Variants in SNRPN observed in about 807,000 individuals in gnomAD.
SNRPN encodes the protein small nuclear ribonucleoprotein polypeptide N, also known as small nuclear ribonucleoprotein-associated protein N.
SNRPN carries 7 observed loss-of-function variants against 25.2 expected under a neutral mutation model. The observed-to-expected ratio is 0.28, with a 90% CI of 0.16 to 0.52. The LOEUF (loss-of-function observed/expected upper bound fraction) is 0.52, where lower values mean the gene tolerates loss of function less well. SNRPN is among the 20% of genes least tolerant of loss of function. The probability of loss-of-function intolerance (pLI) is 0.96; values close to 1 mark genes in which losing one functional copy is unlikely to be tolerated. For synonymous variants in SNRPN, 124 were observed against 110.6 expected, an observed-to-expected ratio of 1.12 and a Z score of -0.76; for missense variants, 196 against 322.5, an observed-to-expected ratio of 0.61 and a Z score of 3.00.
At chr15:24,945,361 A>AG (rs2061814693) in intron 3 of SNRPN, among the ~76,000 whole-genome samples, 2 of 150,828 alleles carry the variant, frequency 1.3e-5, no homozygotes, top group African/African-American at 4.9e-5. Context: ...AAAAAAAAAA[A>AG]AAAAAGTACC....
At chr15:24,907,957 G>A (rs1263986868) in intron 2 of SNRPN, among the ~76,000 whole-genome samples, 2 of 149,362 alleles carry the variant, frequency 1.3e-5, no homozygotes, top group African/African-American at 2.5e-5. Flanking sequence ...GGGGGCTGAG[G>A]CAGGAGAATC....
chr15:24,840,578 G>A (rs1405335789), intron 2 of SNRPN, among the ~76,000 whole-genome samples: 1 of 152,174 alleles, frequency 6.6e-6, no homozygotes, highest in Non-Finnish European at 1.5e-5. Context: ...ACCTGCTGCT[G>A]CAAAGGGTTC....
At chr15:24,853,231 C>T (rs2053048106), upstream of SNRPN, among the ~76,000 whole-genome samples, 1 of 152,154 alleles carries the variant, frequency 6.6e-6, no homozygotes, top group African/African-American at 2.4e-5. Flanking sequence ...GCTTTATTCA[C>T]ATGTCCTTAA....
chr15:24,956,143 G>A (rs1364910171), intron 1 of SNRPN, among the ~76,000 whole-genome samples: 1 of 152,166 alleles, frequency 6.6e-6, no homozygotes, highest in Non-Finnish European at 1.5e-5. Context: ...AGACTGGAAT[G>A]ATGTGCAGAA....
At chr15:24,880,776 C>T (rs1339558269) in intron 1 of SNRPN, among the ~76,000 whole-genome samples, 1 of 151,874 alleles carries the variant, frequency 6.6e-6, no homozygotes, top group Admixed American at 6.6e-5. Context: ...CAGAGTCTTG[C>T]TCTGTTGTCC....
At chr15:24,906,121 TG>T (rs1595823648) in intron 2 of SNRPN, among the ~76,000 whole-genome samples, 1 of 152,086 alleles carries the variant, frequency 6.6e-6, no homozygotes, top group East Asian at 1.9e-4. Flanking sequence ...TGGGTTTTTT[TG>T]TTTTTGTTTT....
chr15:24,937,763 C>T (rs1030733927), intron 3 of SNRPN, among the ~76,000 whole-genome samples: 1 of 152,064 alleles, frequency 6.6e-6, no homozygotes, highest in African/African-American at 2.4e-5. Flanking sequence ...ATAATAACTC[C>T]GTTTCCTCCT....
chr15:24,846,980 G>A (rs972029507), intron 2 of SNRPN, among the ~76,000 whole-genome samples: 5 of 152,102 alleles, frequency 3.3e-5, no homozygotes, highest in Admixed American at 1.3e-4. Flanking sequence ...AGGAAAATGA[G>A]AGACAACATA....
At chr15:24,943,067 A>G (rs1017507541) in intron 3 of SNRPN, among the ~76,000 whole-genome samples, 13 of 149,816 alleles carry the variant, frequency 8.7e-5, no homozygotes, top group Non-Finnish European at 1.6e-4. Flanking sequence ...GGGTCTATCT[A>G]TAAGTCCATC....
chr15:24,949,239 C>A (rs913668285), intron 3 of SNRPN, among the ~76,000 whole-genome samples: 6 of 151,866 alleles, frequency 4.0e-5, no homozygotes, highest in Non-Finnish European at 8.8e-5. Context: ...CCAGGCTGGT[C>A]TTGAACTCCT....
intron 2 of SNRPN, chr15:24,909,351 T>A: frequency 6.2e-7 from 1 of 1,602,260 alleles, no homozygotes. Flanking sequence ...CCAAAAACTT[T>A]ATTGCCAGTG....
intron 1 of SNRPN, among the ~76,000 whole-genome samples, chr15:24,826,325 A>G (rs763859035): frequency 2.6e-5 from 4 of 152,114 alleles, no homozygotes; most frequent in Non-Finnish European, 5.9e-5. Context: ...AAAACTCTCC[A>G]AAAGTCCTTG....
intron 3 of SNRPN, among the ~76,000 whole-genome samples, chr15:24,922,743 G>A (rs1047961519): frequency 1.3e-5 from 2 of 151,626 alleles, no homozygotes; most frequent in African/African-American, 4.8e-5. Context: ...TTTTATTGAT[G>A]GTGTTCTCTC....
intron 1 of SNRPN, among the ~76,000 whole-genome samples, chr15:24,827,098 G>A (rs949730404): frequency 6.6e-6 from 1 of 152,078 alleles, no homozygotes; most frequent in Non-Finnish European, 1.5e-5. Flanking sequence ...TGGTACTGCT[G>A]TTTAAAGCAG....
intron 2 of SNRPN, among the ~76,000 whole-genome samples, chr15:24,848,168 C>T (rs543385268): frequency 8.9e-4 from 126 of 142,066 alleles, no homozygotes; most frequent in Non-Finnish European, 1.5e-3. Context: ...TCCGGTGCGG[C>T]CAACCAGCTC....
chr15:24,877,206 G>A (rs796304128), intron 1 of SNRPN, among the ~76,000 whole-genome samples: 2 of 152,312 alleles, frequency 1.3e-5, no homozygotes, highest in African/African-American at 4.8e-5. Flanking sequence ...TACTCTTCAA[G>A]TTAGACCTCC....
intron 3 of SNRPN, among the ~76,000 whole-genome samples, chr15:24,936,872 G>T (rs779542176): frequency 1.2e-4 from 19 of 152,106 alleles, no homozygotes; most frequent in African/African-American, 1.9e-4. Flanking sequence ...AGGGACCAAA[G>T]AAATATTTTA....
intron 3 of SNRPN, among the ~76,000 whole-genome samples, chr15:24,927,504 T>TAC (rs2060489243): frequency 1.5e-5 from 1 of 67,970 alleles, no homozygotes; most frequent in Non-Finnish European, 3.4e-5. Flanking sequence ...TTTTTTTTTT[T>TAC]TTTTTTTTTT....
chr15:24,928,818 G>A (rs1190649543), intron 3 of SNRPN, among the ~76,000 whole-genome samples: 1 of 151,928 alleles, frequency 6.6e-6, no homozygotes, highest in East Asian at 1.9e-4. Context: ...ATGTTGCCCA[G>A]GCTAGTCTCA....
Sources: gnomAD v4.1 joint callset for allele counts (sites outside exome capture counted in the v4.1 genomes callset) on GRCh38, gnomAD v4.1.1 for gene constraint, MANE v1.5 for transcripts, NCBI Gene and HGNC (gene_info 2026-07-23, HGNC 2026-07-21) for gene names.